The following ARHGAP35 variants were observed in gnomAD, a reference collection of about 807,000 sequenced individuals.
The protein encoded by ARHGAP35 is rho GTPase-activating protein 35.
ARHGAP35 carries 15 observed loss-of-function variants against 111.1 expected under a neutral mutation model. The ratio of observed to expected loss-of-function variants is 0.13; its 90% confidence interval spans 0.09 to 0.21. The LOEUF (loss-of-function observed/expected upper bound fraction) is 0.21, where lower values mean the gene tolerates loss of function less well. ARHGAP35 is among the 10% of genes least tolerant of loss of function. The probability of loss-of-function intolerance (pLI) is 1.00; values close to 1 mark genes in which losing one functional copy is unlikely to be tolerated. For missense variants in ARHGAP35, 1,262 were observed against 1,873.0 expected, an observed-to-expected ratio of 0.67 and a Z score of 6.02; for synonymous variants, 643 against 710.3, an observed-to-expected ratio of 0.91 and a Z score of 1.51.
intron 3 of ARHGAP35, among the ~76,000 whole-genome samples, chr19:46,939,269 C>T (rs922797073): frequency 1.4e-4 from 21 of 152,010 alleles, no homozygotes; most frequent in Non-Finnish European, 5.9e-5. Context: ...GCTACCATGC[C>T]TGGCTTCAGT....
chr19:46,931,265 A>G (rs899798025), intron 2 of ARHGAP35, among the ~76,000 whole-genome samples: 1 of 152,194 alleles, frequency 6.6e-6, no homozygotes, highest in Non-Finnish European at 1.5e-5. Flanking sequence ...CAGCAAATAC[A>G]TTGAGTGCCC....
In ARHGAP35 at chr19:46,922,229, C is replaced by T. The variant is rs2122201215; in HGVS notation, c.3554C>T (p.Pro1185Leu). 2.5e-6 allele frequency: 4 copies of T among 1,613,890 alleles called. No homozygotes were observed. The South Asian group carries it at 4.4e-5, about 18-fold the overall frequency. The change falls in exon 2 of 7, where the codon CCC (proline) becomes CTC (leucine). Residue 1185 changes from proline to leucine, a missense_variant. Pro to Leu is a moderately conservative substitution (Grantham distance 98). This residue lies in a region of ARHGAP35 where 579 missense variants were observed against 716.9 expected (regional missense o/e 0.81). Coordinates refer to ENST00000672722, the MANE Select transcript of ARHGAP35 (RefSeq NM_004491.5). The surrounding 1 kb of genome is among the most constrained non-coding windows in gnomAD (Gnocchi z 4.0). ...GTGGGGAGTGATGATGAGCTGGGGC[C>T]CATCCGGAAGAAAGAGGAGGATCAG... ...FSVGSDDELG[P>L]IRKKEEDQAS...
chr19:46,871,905 A>T (rs2055889615), intron 1 of ARHGAP35, among the ~76,000 whole-genome samples: 1 of 151,966 alleles, frequency 6.6e-6, no homozygotes, highest in African/African-American at 2.4e-5. Flanking sequence ...GCATGAACCC[A>T]GAAGACAGAG....
chr19:46,879,295 A>G (rs2055944519), intron 1 of ARHGAP35, among the ~76,000 whole-genome samples: 1 of 151,890 alleles, frequency 6.6e-6, no homozygotes, highest in Admixed American at 6.6e-5. Context: ...TCTCTACTAA[A>G]AATACAAAAA....
chr19:46,961,575 G>T (rs1380126255), intron 3 of ARHGAP35, among the ~76,000 whole-genome samples: 2 of 152,098 alleles, frequency 1.3e-5, no homozygotes, highest in African/African-American at 4.8e-5. Context: ...ATAAAAGAAT[G>T]TATACTGTAT....
In ARHGAP35 at chr19:46,965,904, T is replaced by A. The variant is rs2056512656; in HGVS notation, c.3827-22085T>A. Among the ~76,000 whole-genome samples the A allele has an allele frequency of 2.6e-5, 4 of 152,366 alleles. No homozygotes were observed. The South Asian group carries it at 8.3e-4, about 32-fold the overall frequency. ...TAAAAGAATAATTGAACACCTGTTA[T>A]GTGTCAGTTCCATTAGATGCTGGAG... On this transcript the variant is annotated intron_variant, in intron 3 of 6. Transcript: ENST00000672722.
At position 46,921,290 on chromosome 19, in the gene ARHGAP35, C is replaced by A. The variant is rs1158414289; in HGVS notation, c.2615C>A (p.Ala872Asp). The A allele has an allele frequency of 6.2e-7, 1 of 1,613,948 alleles. No homozygotes were observed. The highest frequency in any genetic ancestry group is 8.5e-7 in the Non-Finnish European group (1 of 1,179,880). The change falls in exon 2 of 7, where the codon GCC becomes GAC. Residue 872 changes from alanine (A) to aspartate (D), a missense_variant. By Grantham distance (126) the Ala-to-Asp change is moderately radical. This residue lies in a region of ARHGAP35 where 579 missense variants were observed against 716.9 expected (regional missense o/e 0.81). Coordinates refer to ENST00000672722, the MANE Select transcript of ARHGAP35 (RefSeq NM_004491.5). This position sits in a 1 kb window ranked among gnomAD's most constrained non-coding sequence, Gnocchi z 4.3. ...AAGGCCTCTTTGGCTATGTTACGTG[C>A]CTTTCTTTGTGAAGTGCAGGATATT... ...KRKASLAMLR[A>D]FLCEVQDIIP...
In ARHGAP35 at chr19:46,920,726, C is replaced by G. The variant is rs371899896; in HGVS notation, c.2051C>G (p.Ser684Cys). The G allele has an allele frequency of 5.2e-5, 84 of 1,613,154 alleles. No homozygotes were observed. Among genetic ancestry groups the G allele is most frequent in the South Asian group, 6.6e-5 (6 of 91,026 alleles). The change falls in exon 2 of 7, where the codon TCC (serine) becomes TGC (cysteine). Residue 684 changes from serine to cysteine, a missense_variant. Ser to Cys is a moderately radical substitution (Grantham distance 112). This residue lies in a region of ARHGAP35 where 579 missense variants were observed against 716.9 expected (regional missense o/e 0.81). Coordinates refer to ENST00000672722, the MANE Select transcript of ARHGAP35 (RefSeq NM_004491.5). The surrounding 1 kb of genome is among the most constrained non-coding windows in gnomAD (Gnocchi z 7.0). ...VVESIEKSRE[S>C]TLGRRDNHLV... ...GAAAGTATAGAGAAGAGTAGAGAGTCCACGCTGGGCCGGCGGGATAATCAT... is the reference window on the plus strand; with the variant it reads ...GAAAGTATAGAGAAGAGTAGAGAGTGCACGCTGGGCCGGCGGGATAATCAT...
chr19:46,891,919 T>C (rs2056025868), intron 1 of ARHGAP35, among the ~76,000 whole-genome samples: 1 of 151,880 alleles, frequency 6.6e-6, no homozygotes, highest in Admixed American at 6.6e-5. Context: ...GGCAGGCAGA[T>C]TGCTTGAGTT....
chr19:46,971,913 T>C (rs564659821), intron 3 of ARHGAP35, among the ~76,000 whole-genome samples: 1 of 152,366 alleles, frequency 6.6e-6, no homozygotes, highest in South Asian at 2.1e-4. Flanking sequence ...TGATGAGTGG[T>C]GCACAGTTCT....
At chr19:46,868,790 C>T (rs1410515558) in intron 1 of ARHGAP35, among the ~76,000 whole-genome samples, 1 of 149,008 alleles carries the variant, frequency 6.7e-6, no homozygotes, top group East Asian at 2.0e-4. Flanking sequence ...AGAATATATA[C>T]AACTACAATT....
chr19:46,919,931 A>G lies in ARHGAP35; in HGVS notation c.1256A>G (p.His419Arg). 2 of 1,614,030 alleles carry G rather than the reference A, an allele frequency of 1.2e-6. No individual in the cohort carries two copies. The highest frequency in any genetic ancestry group is 1.7e-6 in the Non-Finnish European group (2 of 1,179,896). ...CCTGCAGAGCAGCTATACGAGGCCC[A>G]CTTAGAGAAGCTGAGGAACGAAAGG... ...TVPAEQLYEA[H>R]LEKLRNERKR... The change falls in exon 2 of 7, where the codon CAC becomes CGC. Residue 419 changes from histidine to arginine, a missense_variant. Physicochemically the swap from His to Arg is conservative, Grantham distance 29. Coordinates refer to ENST00000672722, the MANE Select transcript of ARHGAP35 (RefSeq NM_004491.5). This position sits in a 1 kb window ranked among gnomAD's most constrained non-coding sequence, Gnocchi z 6.2.
intron 3 of ARHGAP35, among the ~76,000 whole-genome samples, chr19:46,966,103 C>T (rs1040531701): frequency 7.2e-5 from 11 of 152,120 alleles, no homozygotes; most frequent in Non-Finnish European, 1.6e-4. Flanking sequence ...TGCAACCTTC[C>T]AGTTTGCCAT....
At chr19:46,940,009 A>G (rs151012844) in intron 3 of ARHGAP35, among the ~76,000 whole-genome samples, 5,133 of 151,236 alleles carry the variant, frequency 0.034, 163 homozygotes, top group East Asian at 0.16. Context: ...GGCCGAGGCA[A>G]GCAGATCATG....
chr19:47,002,217 T>C lies in ARHGAP35; in HGVS notation c.*1529T>C, dbSNP rs1409100569. The C allele has an allele frequency of 6.5e-6, 1 of 152,770 alleles. No homozygotes were observed. The highest frequency in any genetic ancestry group is 1.5e-5 in the Non-Finnish European group (1 of 68,056). 9.5% of individuals were successfully genotyped at this position (152,770 alleles called of 1,614,324 possible). On this transcript the variant is annotated 3_prime_UTR_variant, in exon 7 of 7. Coordinates refer to ENST00000672722, the MANE Select transcript of ARHGAP35 (RefSeq NM_004491.5). The stretch of plus-strand genomic sequence containing the variant: ...TTGGGGCTCGTTGCACTTTAAGAAA[T>C]AGGATCTGTGGTGTATTCCAGGGGG...
At position 46,918,955 on chromosome 19, in the gene ARHGAP35, G is replaced by A. The variant is rs377221688; in HGVS notation, c.280G>A (p.Val94Met). Residue 94 changes from valine (V) to methionine (M), a missense_variant, in exon 2 of 7, where the codon GTG (valine) becomes ATG (methionine). Physicochemically the swap from Val to Met is conservative, Grantham distance 21. Around this residue, in one of 8 missense-constraint regions of ARHGAP35, gnomAD observed 125 missense variants for 301.7 expected, o/e 0.41. Transcript: ENST00000672722. The surrounding 1 kb of genome is among the most constrained non-coding windows in gnomAD (Gnocchi z 5.4). ...TTGTGTGGAATGTAAGATGCACATT[G>A]TGGAGCAGACTGAATTTATTGATGA... ...EDCVECKMHIVEQTEFIDDQT... is the reference protein window; with the variant it reads ...EDCVECKMHIMEQTEFIDDQT... The A allele has an allele frequency of 2.6e-5, 42 of 1,613,896 alleles. No homozygotes were observed. The highest frequency in any genetic ancestry group is 3.3e-5 in the Non-Finnish European group (39 of 1,179,898).
At position 47,001,393 on chromosome 19, in the gene ARHGAP35, CCCTT is replaced by C. The variant is rs763823130; in HGVS notation, c.*708_*711del. The C allele has an allele frequency of 4.5e-5, 58 of 1,288,386 alleles. No homozygotes were observed. In the South Asian group the frequency reaches 6.5e-4, roughly 15 times the overall value. 79.8% of individuals were successfully genotyped at this position (1,288,386 alleles called of 1,614,324 possible). ...AACACTAGGAGAAAAAATGGAAAAA[CCCTT>C]CCAGTAATTAAAAAGGAAGAAACCA... On this transcript the variant is annotated 3_prime_UTR_variant, in exon 7 of 7. Transcript: ENST00000672722. This position sits in a 1 kb window ranked among gnomAD's most constrained non-coding sequence, Gnocchi z 5.4.
intron 1 of ARHGAP35, among the ~76,000 whole-genome samples, chr19:46,891,513 G>A (rs548202326): frequency 1.3e-5 from 2 of 150,336 alleles, no homozygotes; most frequent in East Asian, 2.0e-4. Flanking sequence ...TGCAACCTCC[G>A]CCTCCCGGGT....
rs34210294 is a variant in ARHGAP35 at position 46,915,913 on chromosome 19, G to A, written c.-188-2575G>A. ...ATTCTGTGGTTCCCCATAGCCTTCA[G>A]GAAGGAATCCAAACTCTTTTTTTTT... On this transcript the variant is annotated intron_variant, in intron 1 of 6. Coordinates refer to ENST00000672722, the MANE Select transcript of ARHGAP35 (RefSeq NM_004491.5). Among the ~76,000 whole-genome samples, 279 of 151,028 alleles carry A rather than the reference G, an allele frequency of 1.8e-3. 2 individuals are homozygous for A. Among genetic ancestry groups the A allele is most frequent in the Middle Eastern group, 3.4e-3 (1 of 290 alleles).
Sources: gnomAD v4.1 joint callset for allele counts (sites outside exome capture counted in the v4.1 genomes callset) on GRCh38, gnomAD v4.1.1 for gene constraint, gnomAD v4.1.1 regional missense constraint, Gnocchi (gnomAD v3.1) non-coding constraint, MANE v1.5 for transcripts, NCBI Gene and HGNC (gene_info 2026-07-23, HGNC 2026-07-21) for gene names.